IL13RA1: variants seen among roughly 807,000 people sequenced by gnomAD.
IL13RA1 encodes interleukin 13 receptor subunit alpha 1, also known as interleukin-13 receptor subunit alpha-1.
In IL13RA1, 14 loss-of-function variants were observed where a neutral mutation model predicts 33.8. That is an observed-to-expected ratio of 0.41 (90% CI 0.27 to 0.65). The LOEUF (loss-of-function observed/expected upper bound fraction) is 0.65. IL13RA1 is among the 30% of genes least tolerant of loss of function. The pLI is 0.28. For missense variants in IL13RA1, 313 were observed against 327.0 expected, an observed-to-expected ratio of 0.96 and a Z score of 0.33; for synonymous variants, 116 against 115.7, an observed-to-expected ratio of 1.00 and a Z score of -0.02.
chrX:118,794,917 T>G (rs945728930), downstream of IL13RA1, among the ~76,000 whole-genome samples: 13 of 111,348 alleles, frequency 1.2e-4, no homozygotes, highest in African/African-American at 3.9e-4. Flanking sequence ...CAGGTTAGAT[T>G]AGAGACCAAG....
chrX:118,735,454 T>C (rs1240649151), intron 1 of IL13RA1, among the ~76,000 whole-genome samples: 1 of 112,382 alleles, frequency 8.9e-6, no homozygotes, highest in Non-Finnish European at 1.9e-5. Context: ...TAGCTATAAA[T>C]TTTTCCAATA....
At position 118,747,102 on chromosome X, in the gene IL13RA1, G is replaced by A. The variant is rs1459770578; in HGVS notation, c.367+10G>A. ...ATCTCACCCCCAGAAGGTAACAACT[G>A]AAAGCGCTATCTCTTGGTGTTTAGA... On this transcript the variant is annotated intron_variant, in intron 3 of 10. Transcript: ENST00000371666. 9.1e-7 allele frequency: 1 copy of A among 1,100,868 alleles called. No homozygotes were observed. Among genetic ancestry groups the A allele is most frequent in the South Asian group, 1.9e-5 (1 of 52,432 alleles). 90.7% of individuals were successfully genotyped at this position (1,100,868 alleles called of 1,213,427 possible).
rs187946225 is a variant in IL13RA1 at position 118,770,265 on chromosome X, A to G, written c.1009+3289A>G. The G allele has an allele frequency of 2.1e-3, 703 of 330,679 alleles. 5 individuals carry two copies. Among genetic ancestry groups the G allele is most frequent in the African/African-American group, 0.017 (666 of 38,202 alleles). 27.3% of individuals were successfully genotyped at this position (330,679 alleles called of 1,213,427 possible). ...CCGCCTGCCCATCGTGCACCCTGCA[A>G]TGTCATCACCAACAGCCTCTTCAAC... On this transcript the variant is annotated intron_variant, in intron 8 of 10. Transcript: ENST00000371666.
chrX:118,732,688 A>G (rs186502148), intron 1 of IL13RA1, among the ~76,000 whole-genome samples: 62 of 111,021 alleles, frequency 5.6e-4, no homozygotes, highest in African/African-American at 1.8e-3. Context: ...GTTTGCTGAA[A>G]ATGATGGTTT....
At chrX:118,770,852 G>A (rs62608691) in intron 8 of IL13RA1, 12,443 of 262,639 alleles carry the variant, frequency 0.047, 289 homozygotes, top group Middle Eastern at 0.079. Context: ...TGACAATGAG[G>A]AGGAGGGGTG....
At chrX:118,776,821 G>A (rs994474228) in intron 10 of IL13RA1, among the ~76,000 whole-genome samples, 1 of 107,594 alleles carries the variant, frequency 9.3e-6, no homozygotes, top group Non-Finnish European at 1.9e-5. Flanking sequence ...AAAATTAGCC[G>A]GGTGCAGCGG....
chrX:118,785,413 C>T (rs1381253244), intron 10 of IL13RA1, among the ~76,000 whole-genome samples: 1 of 111,096 alleles, frequency 9.0e-6, no homozygotes, highest in Non-Finnish European at 1.9e-5. Flanking sequence ...CCTTTCACAT[C>T]CTCTTGAATA....
chrX:118,781,269 A>T (rs1173490572), intron 10 of IL13RA1, among the ~76,000 whole-genome samples: 1 of 111,280 alleles, frequency 9.0e-6, no homozygotes, highest in Non-Finnish European at 1.9e-5. Flanking sequence ...TGCCATTTTT[A>T]TATTCTTGTT....
At chrX:118,770,496 C>T (rs912825342) in intron 8 of IL13RA1, 8 of 496,826 alleles carry the variant, frequency 1.6e-5, no homozygotes, top group Middle Eastern at 7.1e-4. Context: ...AGCTCAGCCC[C>T]ATCCCCAACA....
rs2017997981 is a variant in IL13RA1, at chrX:118,793,366, AT to A, written c.*1515del. The A allele has an allele frequency of 8.9e-6, 1 of 112,119 alleles. No individual in the cohort carries two copies. Among genetic ancestry groups the A allele is most frequent in the African/African-American group, 3.2e-5 (1 of 30,781 alleles). 9.2% of individuals were successfully genotyped at this position (112,119 alleles called of 1,213,427 possible). On this transcript the variant is annotated 3_prime_UTR_variant, in exon 11 of 11. Transcript: ENST00000371666. ...TGAGAAAAAAAGAATAGTTGAACCT[AT>A]TTCTCTTTCTTTACAAGATGGGTCC... is the stretch of plus-strand genomic sequence containing the variant.
the IL13RA1 span, among the ~76,000 whole-genome samples, chrX:118,801,495 A>G: frequency 8.9e-6 from 1 of 111,871 alleles, no homozygotes; most frequent in Non-Finnish European, 1.9e-5. Context: ...TTAGTTGTAC[A>G]TTGGACATCC....
chrX:118,798,876 C>T (rs1397205432), downstream of IL13RA1, among the ~76,000 whole-genome samples: 1 of 112,642 alleles, frequency 8.9e-6, no homozygotes, highest in Admixed American at 9.3e-5. Context: ...GCCCTTCGGC[C>T]CGCCGCTGCA....
At chrX:118,764,655 G>T (rs1298691768) in intron 6 of IL13RA1, among the ~76,000 whole-genome samples, 2 of 111,590 alleles carry the variant, frequency 1.8e-5, no homozygotes, top group Admixed American at 9.5e-5. Context: ...CTCTTTGATA[G>T]AAGTTGACTA....
At chrX:118,799,935 C>T in the IL13RA1 span, among the ~76,000 whole-genome samples, 3 of 94,487 alleles carry the variant, frequency 3.2e-5, no homozygotes, top group East Asian at 1.0e-3. Context: ...ATGTCTAGCT[C>T]AGGGATTGTA....
At chrX:118,804,084 G>A in the IL13RA1 span, among the ~76,000 whole-genome samples, 1 of 106,932 alleles carries the variant, frequency 9.4e-6, no homozygotes, top group Non-Finnish European at 1.9e-5. Flanking sequence ...AACCTCTCAA[G>A]TAGCTGGGAT....
chrX:118,727,748 C>T lies in IL13RA1; in HGVS notation c.88+22C>T, dbSNP rs192086808. On this transcript the variant is annotated intron_variant, in intron 1 of 10. Transcript: ENST00000371666. ...ACGGGTGAGTGCGACCCTCGGGGCCCGAGGGGCGGCCGGAGGGCTGAGGGC... is the reference window on the plus strand; with the variant it reads ...ACGGGTGAGTGCGACCCTCGGGGCCTGAGGGGCGGCCGGAGGGCTGAGGGC... 3.6e-3 allele frequency: 2,652 copies of T among 738,305 alleles called. 62 individuals carry two copies. In the African/African-American group the frequency reaches 0.053, roughly 15 times the overall value. 60.8% of individuals were successfully genotyped at this position (738,305 alleles called of 1,213,427 possible).
chrX:118,738,427 T>C (rs778422941), intron 1 of IL13RA1, among the ~76,000 whole-genome samples: 1 of 111,560 alleles, frequency 9.0e-6, no homozygotes. Flanking sequence ...TTTATGATCA[T>C]GTGTATTCAG....
At chrX:118,804,075 A>G in the IL13RA1 span, among the ~76,000 whole-genome samples, 1 of 99,719 alleles carries the variant, frequency 1.0e-5, no homozygotes, top group Middle Eastern at 5.2e-3. Flanking sequence ...TCCTGCCTCA[A>G]CCTCTCAAGT....
intron 4 of IL13RA1, among the ~76,000 whole-genome samples, chrX:118,757,449 G>A (rs190939783): frequency 9.6e-6 from 1 of 104,146 alleles, no homozygotes; most frequent in South Asian, 4.5e-4. Context: ...ACTGGAACTC[G>A]GGAGGCGGAG....
Sources: gnomAD v4.1 joint callset for allele counts (sites outside exome capture counted in the v4.1 genomes callset) on GRCh38, gnomAD v4.1.1 for gene constraint, MANE v1.5 for transcripts, NCBI Gene and HGNC (gene_info 2026-07-23, HGNC 2026-07-21) for gene names.